Variants in HOATZ observed in about 807,000 individuals in gnomAD.
The protein encoded by HOATZ is cilia- and flagella-associated protein HOATZ.
In HOATZ, 26 loss-of-function variants were observed where a neutral mutation model predicts 24.9. The ratio of observed to expected loss-of-function variants is 1.04; its 90% CI spans 0.76 to 1.45. The LOEUF (loss-of-function observed/expected upper bound fraction) is 1.45. Ranked by LOEUF, HOATZ falls within the 40% of genes most tolerant of loss-of-function variation. The pLI is 0.00. For missense variants in HOATZ, 226 were observed against 201.5 expected (o/e 1.12, Z -0.74); for synonymous variants, 83 against 76.6 (o/e 1.08, Z -0.43).
intron 4 of HOATZ, 54 bp downstream of exon 4, chr11:111,533,859 C>A: frequency 7.6e-7 from 1 of 1,320,870 alleles, no homozygotes; most frequent in South Asian, 1.5e-5. Flanking sequence ...TGAATTGTGG[C>A]AAATTTTGCA....
intron 3 of HOATZ, among the ~76,000 whole-genome samples, chr11:111,521,828 C>T (rs1360617087): frequency 2.0e-5 from 3 of 152,168 alleles, no homozygotes; most frequent in Non-Finnish European, 4.4e-5. Flanking sequence ...AAAAGTTATT[C>T]AATGTTGGGG....
Position 111,515,551 on chromosome 11 carries a change from C to A in HOATZ, c.267C>A (p.Asn89Lys), listed in dbSNP as rs372457530. Residue 89 changes from asparagine to lysine, a missense_variant and splice_region_variant, in exon 2 of 6, where the codon AAC (asparagine) becomes AAA (lysine). By Grantham distance (94) the Asn-to-Lys change is moderately conservative. Transcript: ENST00000375618. The part of the protein sequence containing the change: ...HSSQSFHLAS[N>K]KNRDIFAEAL... ...CGCAGTCTTTTCACCTTGCGAGTAA[C>A]AGTAAGTACCAAGTTTTATGCCTTT... 1.6e-5 allele frequency: 25 copies of A among 1,612,216 alleles called. No homozygotes were observed. The African/African-American group carries it at 3.1e-4, about 20-fold the overall frequency.
At chr11:111,533,953 T>C in intron 4 of HOATZ, 148 bp downstream of exon 4, 1 of 529,428 alleles carries the variant, frequency 1.9e-6, no homozygotes, top group Non-Finnish European at 3.2e-6. Context: ...GGTATAGACA[T>C]TAGATAATTT....
rs1028282466 is a variant in HOATZ, at chr11:111,530,518, G to T, written c.340-3228G>T. 1.4e-4 allele frequency among the ~76,000 whole-genome samples: 22 copies of T among 152,162 alleles called. No homozygotes were observed. In the East Asian group the frequency reaches 4.2e-3, roughly 29 times the overall value. On this transcript the variant is annotated intron_variant, in intron 3 of 5. Transcript: ENST00000375618. The stretch of plus-strand genomic sequence containing the variant: ...ATCACATCCTAATTTTCTGGAATCA[G>T]TTTTCTTTCACAATTTATTTTTTCA...
chr11:111,533,910 G>A (rs910618567), intron 4 of HOATZ, 105 bp downstream of exon 4: 325 of 776,402 alleles, frequency 4.2e-4, no homozygotes, highest in Admixed American at 9.9e-4. Context: ...GCTAGCTATA[G>A]TCCAGAGCCA....
At chr11:111,521,714 A>G (rs1428689908) in intron 3 of HOATZ, among the ~76,000 whole-genome samples, 3 of 152,254 alleles carry the variant, frequency 2.0e-5, no homozygotes, top group African/African-American at 7.2e-5. Context: ...CTGTGCATTT[A>G]TAGTAACAAG....
intron 3 of HOATZ, among the ~76,000 whole-genome samples, chr11:111,526,258 T>TG (rs1867338053): frequency 6.6e-6 from 1 of 152,118 alleles, no homozygotes; most frequent in African/African-American, 2.4e-5. Flanking sequence ...GGGTTTAAAT[T>TG]GGGGAATGAG....
intron 3 of HOATZ, among the ~76,000 whole-genome samples, chr11:111,525,599 G>T (rs768453461): frequency 6.6e-6 from 1 of 152,162 alleles, no homozygotes; most frequent in Non-Finnish European, 1.5e-5. Flanking sequence ...GCAAGTTAGA[G>T]GTCAACACTG....
intron 3 of HOATZ, among the ~76,000 whole-genome samples, chr11:111,524,446 T>A (rs1229605659): frequency 1.3e-5 from 2 of 152,086 alleles, no homozygotes; most frequent in African/African-American, 4.8e-5. Context: ...GAATGTAGGG[T>A]CAGGAGTGGA....
chr11:111,534,399 TG>T lies in HOATZ; in HGVS notation c.400-12del. The T allele has an allele frequency of 1.3e-6, 2 of 1,599,474 alleles. No individual in the cohort carries two copies. Among genetic ancestry groups the T allele is most frequent in the Middle Eastern group, 3.3e-4 (2 of 6,016 alleles). On this transcript the variant is annotated splice_polypyrimidine_tract_variant and intron_variant, in intron 4 of 5. Coordinates refer to ENST00000375618, the MANE Select transcript of HOATZ (RefSeq NM_001100388.2). ...AATTTTACCTTTTTGATTTTTATTTTGTTTTGTTTCAGAAAGAACTGATTTC... is the reference window on the plus strand; with the variant it reads ...AATTTTACCTTTTTGATTTTTATTTTTTTTGTTTCAGAAAGAACTGATTTC...
At chr11:111,515,959 C>A in intron 2 of HOATZ, 81 bp from the exon 3 acceptor site, 1 of 944,466 alleles carries the variant, frequency 1.1e-6, no homozygotes. Context: ...TCCCTTTCAA[C>A]CCATGTCCAA....
At chr11:111,515,325 T>A (rs1479836845) in intron 1 of HOATZ, among the ~76,000 whole-genome samples, 186 bp from the exon 2 acceptor site, 2 of 152,188 alleles carry the variant, frequency 1.3e-5, no homozygotes, top group Non-Finnish European at 2.9e-5. Context: ...AATTCAAACA[T>A]GAAAAGCCCT....
intron 3 of HOATZ, among the ~76,000 whole-genome samples, chr11:111,521,984 C>T (rs1833638851): frequency 6.6e-6 from 1 of 151,994 alleles, no homozygotes; most frequent in African/African-American, 2.4e-5. Flanking sequence ...ACGGGGTAGC[C>T]CTGCTCTGCA....
At position 111,536,788 on chromosome 11, in the gene HOATZ, A is replaced by G. The variant is rs1430898486; in HGVS notation, c.471A>G (p.Ser157=). The G allele has an allele frequency of 1.9e-6, 3 of 1,613,502 alleles. No individual in the cohort carries two copies. Among genetic ancestry groups the G allele is most frequent in the Non-Finnish European group, 2.5e-6 (3 of 1,179,638 alleles). ...CCAACAGGAAAGTGGTATCAGAGTC[A>G]GATAAAGAGGACCAAGAAGAAGTCA... ...EHKAKKVVSE[S]DKEDQEEVKT... The change falls in exon 6 of 6, where the codon TCA becomes TCG. Residue 157 remains serine, a synonymous_variant. Coordinates refer to ENST00000375618, the MANE Select transcript of HOATZ (RefSeq NM_001100388.2).
chr11:111,524,552 A>G (rs1565248908), intron 3 of HOATZ, among the ~76,000 whole-genome samples: 1 of 152,186 alleles, frequency 6.6e-6, no homozygotes, highest in Non-Finnish European at 1.5e-5. Context: ...TATTCCGTAT[A>G]CTAGAACTTT....
chr11:111,518,015 C>A (rs1591554209), intron 3 of HOATZ, among the ~76,000 whole-genome samples: 3 of 152,182 alleles, frequency 2.0e-5, no homozygotes, highest in Admixed American at 2.0e-4. Context: ...TGCTCTCTCC[C>A]CAACTCTGTA....
At chr11:111,528,981 T>A (rs1306334894) in intron 3 of HOATZ, among the ~76,000 whole-genome samples, 1 of 152,226 alleles carries the variant, frequency 6.6e-6, no homozygotes, top group Non-Finnish European at 1.5e-5. Context: ...GTTGTTCATT[T>A]TTACGTGGTT....
In HOATZ at chr11:111,516,272, T is replaced by C. The variant is rs187949187; in HGVS notation, c.339+162T>C. The stretch of plus-strand genomic sequence containing the variant: ...ATTTTAATTGAAAATTTAAAAATTC[T>C]ATTCAACATTGGCTATTATCAATCT... On this transcript the variant is annotated intron_variant, in intron 3 of 5. Transcript: ENST00000375618. Among the ~76,000 whole-genome samples, 10 of 152,328 alleles carry C rather than the reference T, an allele frequency of 6.6e-5. No homozygotes were observed. In the East Asian group the frequency reaches 1.9e-3, roughly 29 times the overall value.
chr11:111,515,459 A>C, intron 1 of HOATZ, 52 bp from the exon 2 acceptor site: 1 of 1,473,440 alleles, frequency 6.8e-7, no homozygotes, highest in Non-Finnish European at 9.5e-7. Flanking sequence ...AAACGCCTTT[A>C]ATGTTGTTGA....
Sources: allele counts gnomAD v4.1 joint callset (sites outside exome capture counted in the v4.1 genomes callset), GRCh38; gene constraint gnomAD v4.1.1; transcripts MANE v1.5; gene names NCBI Gene and HGNC (gene_info 2026-07-23, HGNC 2026-07-21).